The following SLMAP variants were observed in gnomAD, a reference collection of about 807,000 sequenced individuals.
The protein encoded by SLMAP is sarcolemmal membrane-associated protein.
SLMAP carries 44 observed loss-of-function variants against 128.8 expected under a neutral mutation model. The observed-to-expected ratio is 0.34, with a 90% confidence interval of 0.27 to 0.44. The LOEUF (loss-of-function observed/expected upper bound fraction) is 0.44. Among genes scored for constraint, SLMAP ranks in the 20% least tolerant of loss-of-function variants. The pLI is 1.00. For synonymous variants in SLMAP, 327 were observed against 348.8 expected (o/e 0.94, Z 0.70); for missense variants, 787 against 985.3 (o/e 0.80, Z 2.69).
At chr3:57,831,652 T>C (rs1353463780) in intron 3 of SLMAP, 122 bp downstream of exon 3, 2 of 614,298 alleles carry the variant, frequency 3.3e-6, no homozygotes, top group South Asian at 5.9e-5. Flanking sequence ...CAGCATTATA[T>C]ACAGTGAAAA....
chr3:57,926,647 A>T (rs537284066), intron 24 of SLMAP, among the ~76,000 whole-genome samples: 5 of 152,378 alleles, frequency 3.3e-5, no homozygotes, highest in African/African-American at 9.6e-5. Context: ...AGCAGGCAAC[A>T]GCCCATCCAT....
At chr3:57,868,412 TA>T (rs1363229333) in intron 13 of SLMAP, among the ~76,000 whole-genome samples, 2 of 150,736 alleles carry the variant, frequency 1.3e-5, no homozygotes, top group Non-Finnish European at 3.0e-5. Context: ...ACCCCATCTC[TA>T]AAAAGAAAAA....
intron 2 of SLMAP, among the ~76,000 whole-genome samples, chr3:57,793,069 G>A (rs1385579644): frequency 6.6e-6 from 1 of 152,040 alleles, no homozygotes; most frequent in Admixed American, 6.6e-5. Context: ...AGTCCAGGAG[G>A]CCGAAGTTGC....
intron 2 of SLMAP, among the ~76,000 whole-genome samples, chr3:57,797,707 T>A (rs957423465): frequency 6.6e-6 from 1 of 152,188 alleles, no homozygotes; most frequent in Non-Finnish European, 1.5e-5. Context: ...AGCCTCATAA[T>A]GTGAATAGGA....
At chr3:57,855,415 G>T (rs747444915) in intron 6 of SLMAP, among the ~76,000 whole-genome samples, 3 of 151,792 alleles carry the variant, frequency 2.0e-5, no homozygotes, top group African/African-American at 4.8e-5. Context: ...GATAGAAAAT[G>T]ATATACCTGT....
intron 23 of SLMAP, among the ~76,000 whole-genome samples, 179 bp downstream of exon 23, chr3:57,923,202 C>T (rs1333351644): frequency 6.6e-6 from 1 of 152,136 alleles, no homozygotes; most frequent in African/African-American, 2.4e-5. Flanking sequence ...AGAATTTGTA[C>T]CTTTAACCTA....
chr3:57,919,199 G>A (rs1021042413), intron 22 of SLMAP, among the ~76,000 whole-genome samples: 12 of 152,072 alleles, frequency 7.9e-5, no homozygotes, highest in Admixed American at 3.3e-4. Flanking sequence ...TGACCAATAT[G>A]ATGAAACCCC....
At chr3:57,835,530 C>T (rs1253526173) in intron 3 of SLMAP, among the ~76,000 whole-genome samples, 1 of 152,120 alleles carries the variant, frequency 6.6e-6, no homozygotes, top group Non-Finnish European at 1.5e-5. Flanking sequence ...CAAGATGAGT[C>T]AGTATCAGGC....
At chr3:57,802,707 T>C (rs1426905500) in intron 2 of SLMAP, among the ~76,000 whole-genome samples, 5 of 152,238 alleles carry the variant, frequency 3.3e-5, no homozygotes, top group African/African-American at 4.8e-5. Context: ...AATCTATCAA[T>C]AGTTAATTCA....
At chr3:57,804,366 A>G (rs575247267) in intron 2 of SLMAP, among the ~76,000 whole-genome samples, 1 of 152,348 alleles carries the variant, frequency 6.6e-6, no homozygotes, top group Non-Finnish European at 1.5e-5. Context: ...GTGAGAAGGT[A>G]ATGTGTGATG....
intron 2 of SLMAP, among the ~76,000 whole-genome samples, chr3:57,761,903 C>T (rs948776878): frequency 1.2e-4 from 18 of 148,148 alleles, no homozygotes; most frequent in African/African-American, 4.2e-4. Flanking sequence ...AAAAATTAGC[C>T]GGGCGCGGTG....
chr3:57,816,122 C>T (rs1008545987), intron 2 of SLMAP, among the ~76,000 whole-genome samples: 1 of 149,458 alleles, frequency 6.7e-6, no homozygotes, highest in East Asian at 2.0e-4. Flanking sequence ...GAATTTAAAC[C>T]GTTTGTGTTT....
At chr3:57,919,879 T>C (rs1377672701) in intron 22 of SLMAP, among the ~76,000 whole-genome samples, 1 of 152,134 alleles carries the variant, frequency 6.6e-6, no homozygotes, top group Non-Finnish European at 1.5e-5. Flanking sequence ...TGGCTTTACC[T>C]TCTTGCCGTG....
chr3:57,906,310 C>CTTTTTCTTTTTTTTTTTTTTTTTTTTTTT (rs2096549127), intron 17 of SLMAP, among the ~76,000 whole-genome samples: 1 of 47,048 alleles, frequency 2.1e-5, no homozygotes, highest in East Asian at 9.8e-4. Flanking sequence ...CTTTTTTTTT[C>CTTTTTCTTTTTTTTTTTTTTTTTTTTTTT]TTTTTTTTTT....
intron 3 of SLMAP, 148 bp downstream of exon 3, chr3:57,831,678 C>A: frequency 2.0e-6 from 1 of 493,490 alleles, no homozygotes; most frequent in Non-Finnish European, 3.4e-6. Flanking sequence ...AAGTCTCATA[C>A]TTTCCGTATT....
At chr3:57,758,299 G>C (rs1465181829) in intron 2 of SLMAP, among the ~76,000 whole-genome samples, 4 of 152,228 alleles carry the variant, frequency 2.6e-5, no homozygotes, top group African/African-American at 9.6e-5. Context: ...GGTGAGTTCA[G>C]ATCAGGACCT....
intron 2 of SLMAP, among the ~76,000 whole-genome samples, chr3:57,820,517 C>T (rs1305869530): frequency 2.0e-5 from 3 of 152,166 alleles, no homozygotes; most frequent in African/African-American, 2.4e-5. Context: ...TTTCAGCCCC[C>T]GCCCCCACTA....
intron 10 of SLMAP, among the ~76,000 whole-genome samples, chr3:57,863,037 T>C (rs2095159614): frequency 6.6e-6 from 1 of 152,202 alleles, no homozygotes; most frequent in Non-Finnish European, 1.5e-5. Flanking sequence ...GATATTCAGA[T>C]GTTTTAAAAC....
chr3:57,872,331 G>A (rs1404626201), intron 14 of SLMAP, among the ~76,000 whole-genome samples: 1 of 151,912 alleles, frequency 6.6e-6, no homozygotes, highest in Non-Finnish European at 1.5e-5. Context: ...AAGATGGATT[G>A]GCTTGGCTGG....
Sources: allele counts gnomAD v4.1 joint callset (sites outside exome capture counted in the v4.1 genomes callset), GRCh38; gene constraint gnomAD v4.1.1; transcripts MANE v1.5; gene names NCBI Gene and HGNC (gene_info 2026-07-23, HGNC 2026-07-21).